Variants in FGF14 observed in about 807,000 individuals in gnomAD.
The protein encoded by FGF14 is fibroblast growth factor 14, also known as fibroblast growth factor homologous factor 4.
In FGF14, 5 loss-of-function variants were observed where a neutral mutation model predicts 25.5. The ratio of observed to expected loss-of-function variants is 0.20; its 90% confidence interval spans 0.10 to 0.41. The LOEUF (loss-of-function observed/expected upper bound fraction) is 0.41. Among genes scored for constraint, FGF14 ranks in the 10% least tolerant of loss-of-function variants. The pLI is 1.00. For missense variants in FGF14, 222 were observed against 320.1 expected, an observed-to-expected ratio of 0.69 and a Z score of 2.34; for synonymous variants, 138 against 118.3, an observed-to-expected ratio of 1.17 and a Z score of -1.08.
At chr13:101,993,384 A>G (rs1038878450) in intron 1 of FGF14, among the ~76,000 whole-genome samples, 3 of 152,064 alleles carry the variant, frequency 2.0e-5, no homozygotes, top group African/African-American at 7.2e-5. Flanking sequence ...ACAATATTGG[A>G]GAGAAGCTTG....
At chr13:101,773,804 A>T (rs1297072522) in intron 3 of FGF14, among the ~76,000 whole-genome samples, 1 of 150,098 alleles carries the variant, frequency 6.7e-6, no homozygotes, top group Non-Finnish European at 1.5e-5. Context: ...CTAAAGTCCC[A>T]ACCAGGTGTG....
At chr13:102,161,620 AAGAAGAAGAAGAAG>A (rs2047697624) in intron 1 of FGF14, among the ~76,000 whole-genome samples, 8 of 5,862 alleles carry the variant, frequency 1.4e-3, no homozygotes, top group Non-Finnish European at 2.0e-3. Flanking sequence ...GAAGAAGAAG[AAGAAGAAGAAGAAG>A]AAGAAGAAGA....
chr13:101,935,421 G>A (rs1032477127), intron 1 of FGF14, among the ~76,000 whole-genome samples: 2 of 152,170 alleles, frequency 1.3e-5, no homozygotes, highest in African/African-American at 4.8e-5. Context: ...ATCTCACCTT[G>A]AATTGCAGTT....
chr13:101,904,559 C>T (rs142684523), intron 1 of FGF14, among the ~76,000 whole-genome samples: 4 of 152,252 alleles, frequency 2.6e-5, no homozygotes, highest in Admixed American at 6.5e-5. Context: ...AGCTTGTAAA[C>T]GAATGTTCCT....
intron 3 of FGF14, among the ~76,000 whole-genome samples, chr13:101,732,053 G>C (rs1440540577): frequency 6.6e-6 from 1 of 152,152 alleles, no homozygotes; most frequent in Non-Finnish European, 1.5e-5. Context: ...TTCCTAAGGA[G>C]CTAAGCATTC....
At chr13:102,267,531 G>A (rs1308345642) in intron 1 of FGF14, among the ~76,000 whole-genome samples, 1 of 152,072 alleles carries the variant, frequency 6.6e-6, no homozygotes, top group African/African-American at 2.4e-5. Flanking sequence ...CATTTTTAAA[G>A]TTATGTATCA....
At chr13:102,229,108 T>A in intron 1 of FGF14, among the ~76,000 whole-genome samples, 1 of 152,170 alleles carries the variant, frequency 6.6e-6, no homozygotes, top group Middle Eastern at 3.2e-3. Flanking sequence ...AACCTTGCCC[T>A]AACACGTAGA....
chr13:101,820,981 G>GCT (rs1334084868), intron 3 of FGF14, among the ~76,000 whole-genome samples: 51 of 146,996 alleles, frequency 3.5e-4, no homozygotes, highest in Admixed American at 2.1e-3. Flanking sequence ...ACAGAGTCTC[G>GCT]CTGTCGCCCA....
At chr13:102,186,715 G>C (rs1681687505) in intron 1 of FGF14, among the ~76,000 whole-genome samples, 1 of 152,068 alleles carries the variant, frequency 6.6e-6, no homozygotes, top group South Asian at 2.1e-4. Flanking sequence ...AGTGCACATA[G>C]GGGGAACATA....
intron 1 of FGF14, among the ~76,000 whole-genome samples, chr13:102,356,827 A>G (rs1477223379): frequency 6.6e-6 from 1 of 151,952 alleles, no homozygotes; most frequent in East Asian, 1.9e-4. Flanking sequence ...CTAATTCCCA[A>G]TATACTGACA....
At chr13:102,032,452 G>A (rs1032540293) in intron 1 of FGF14, among the ~76,000 whole-genome samples, 2 of 152,062 alleles carry the variant, frequency 1.3e-5, no homozygotes, top group Non-Finnish European at 2.9e-5. Context: ...CATAGTAGCT[G>A]AACATACTGG....
At chr13:102,168,194 CG>C (rs1201384668) in intron 1 of FGF14, among the ~76,000 whole-genome samples, 1 of 152,068 alleles carries the variant, frequency 6.6e-6, no homozygotes, top group Non-Finnish European at 1.5e-5. Context: ...ATAGAAACCA[CG>C]TGCTTTGACA....
chr13:101,920,180 G>A (rs141274897), upstream of FGF14, among the ~76,000 whole-genome samples: 782 of 152,260 alleles, frequency 5.1e-3, 4 homozygotes, highest in African/African-American at 0.018. Flanking sequence ...CCAATTCAGG[G>A]CCGGTGAACA....
chr13:102,067,887 C>T (rs549659527), intron 1 of FGF14, among the ~76,000 whole-genome samples: 1 of 152,008 alleles, frequency 6.6e-6, no homozygotes, highest in African/African-American at 2.4e-5. Flanking sequence ...AGGTCAAAGA[C>T]AAAGAAAGAA....
chr13:101,894,230 C>T (rs2030263530), intron 1 of FGF14, among the ~76,000 whole-genome samples: 1 of 151,856 alleles, frequency 6.6e-6, no homozygotes, highest in Admixed American at 6.6e-5. Flanking sequence ...TACAAATATA[C>T]AAATATGGAA....
rs1480903672 is a variant in FGF14, at chr13:102,400,546, C to A, written c.208+925G>T. On this transcript the variant is annotated intron_variant, in intron 1 of 4. Transcript: ENST00000376131. The surrounding 1 kb of genome is among the most constrained non-coding windows in gnomAD (Gnocchi z 4.3). Reference sequence around the variant, plus strand: ...TGCTCGCCCACAGCTCCGCGGCCGCCCCCAATCGCCTCGGACTGAGACGCG... The same window carrying A: ...TGCTCGCCCACAGCTCCGCGGCCGCACCCAATCGCCTCGGACTGAGACGCG... 6.6e-6 allele frequency among the ~76,000 whole-genome samples: 1 copy of A among 152,212 alleles called. No homozygotes were observed. The highest frequency in any genetic ancestry group is 1.5e-5 in the Non-Finnish European group (1 of 68,042).
intron 3 of FGF14, among the ~76,000 whole-genome samples, chr13:101,787,371 C>T (rs2039900196): frequency 6.6e-6 from 1 of 152,212 alleles, no homozygotes; most frequent in African/African-American, 2.4e-5. Flanking sequence ...GGATGAACCG[C>T]TGTTTTATCC....
At chr13:101,907,807 G>A (rs1033487353) in intron 1 of FGF14, among the ~76,000 whole-genome samples, 1 of 152,096 alleles carries the variant, frequency 6.6e-6, no homozygotes, top group African/African-American at 2.4e-5. Context: ...AACACAGTAG[G>A]ATGATGCAGA....
intron 1 of FGF14, among the ~76,000 whole-genome samples, chr13:102,131,688 G>T (rs543797852): frequency 6.6e-6 from 1 of 152,090 alleles, no homozygotes; most frequent in Admixed American, 6.5e-5. Flanking sequence ...TTAATGCCAC[G>T]GAGATTGCTA....
Sources: allele counts gnomAD v4.1 joint callset (sites outside exome capture counted in the v4.1 genomes callset), GRCh38; gene constraint gnomAD v4.1.1; non-coding constraint Gnocchi (gnomAD v3.1); transcripts MANE v1.5; gene names NCBI Gene and HGNC (gene_info 2026-07-23, HGNC 2026-07-21).